SLC8A1: variants seen among roughly 807,000 people sequenced by gnomAD.
SLC8A1 encodes solute carrier family 8 member A1, also known as sodium/calcium exchanger 1.
Under a neutral mutation model 68.3 loss-of-function variants are expected in SLC8A1, and 18 were observed. That is an observed-to-expected ratio of 0.26 (90% CI 0.18 to 0.39). The LOEUF (loss-of-function observed/expected upper bound fraction) is 0.39. Ranked by LOEUF, SLC8A1 falls within the 10% of genes least tolerant of loss-of-function variation. The pLI is 1.00. For missense variants in SLC8A1, 985 were observed against 1,156.7 expected (o/e 0.85, Z 2.15); for synonymous variants, 475 against 415.5 (o/e 1.14, Z -1.74).
At chr2:40,101,029 T>A (rs1329716947) in exon 8 of SLC8A1, 1 of 152,124 alleles carries the variant, frequency 6.6e-6, no homozygotes, top group Non-Finnish European at 1.5e-5. Flanking sequence ...TCCACAAATG[T>A]GATATTTTCA....
chr2:40,233,803 CT>C (rs2059999250), intron 2 of SLC8A1, among the ~76,000 whole-genome samples: 1 of 151,836 alleles, frequency 6.6e-6, no homozygotes, highest in South Asian at 2.1e-4. Flanking sequence ...CCAGTTTCAG[CT>C]TTCTACATAT....
intron 1 of SLC8A1, among the ~76,000 whole-genome samples, chr2:40,497,217 G>T (rs1266179362): frequency 6.6e-6 from 1 of 151,956 alleles, no homozygotes; most frequent in Non-Finnish European, 1.5e-5. Context: ...AAATACAAAA[G>T]AAAAAATTAA....
At chr2:40,271,798 CACGGATTG>C (rs2066066005) in intron 2 of SLC8A1, among the ~76,000 whole-genome samples, 1 of 152,156 alleles carries the variant, frequency 6.6e-6, no homozygotes, top group Admixed American at 6.5e-5. Flanking sequence ...CCCAGTGTCC[CACGGATTG>C]ACTCATTTTC....
chr2:40,417,463 G>C (rs973925208), intron 2 of SLC8A1, among the ~76,000 whole-genome samples: 13 of 152,020 alleles, frequency 8.6e-5, no homozygotes, highest in Admixed American at 6.6e-5. Context: ...GCAAGTGTTA[G>C]GATTAGTTTT....
intron 2 of SLC8A1, among the ~76,000 whole-genome samples, chr2:40,362,057 G>A (rs1361852183): frequency 6.6e-6 from 1 of 151,458 alleles, no homozygotes; most frequent in East Asian, 1.9e-4. Context: ...ACCATGCCCT[G>A]CTAATCTCTG....
At chr2:40,177,963 C>A (rs1016952725) in intron 2 of SLC8A1, 4 of 741,522 alleles carry the variant, frequency 5.4e-6, no homozygotes, top group Non-Finnish European at 7.1e-6. Flanking sequence ...GGAGAACTGG[C>A]AGCACATGGG....
Position 40,164,989 on chromosome 2 carries a change from G to C in SLC8A1, c.1931-5C>G, listed in dbSNP as rs1201072712. The stretch of plus-strand genomic sequence containing the variant: ...GCTGCTTGTCATCATATTCGTCTGT[G>C]AAACGGAAGTATCAGAGAGTGAGCA... On this transcript the variant is annotated splice_region_variant and splice_polypyrimidine_tract_variant and intron_variant, in intron 4 of 7. Coordinates refer to ENST00000406785, the Ensembl canonical transcript of SLC8A1. 2.5e-6 allele frequency: 4 copies of C among 1,613,548 alleles called. No individual in the cohort carries two copies. The highest frequency in any genetic ancestry group is 3.4e-6 in the Non-Finnish European group (4 of 1,179,808).
At chr2:40,188,149 G>C (rs1284169040) in intron 2 of SLC8A1, among the ~76,000 whole-genome samples, 3 of 152,118 alleles carry the variant, frequency 2.0e-5, no homozygotes, top group Non-Finnish European at 4.4e-5. Context: ...TTCTATGAGA[G>C]GGTCACATTT....
chr2:40,391,575 T>C (rs1244999460), intron 2 of SLC8A1, among the ~76,000 whole-genome samples: 1 of 152,052 alleles, frequency 6.6e-6, no homozygotes, highest in East Asian at 1.9e-4. Flanking sequence ...TAAAAATTTA[T>C]AAGAGCATTA....
chr2:40,164,795 T>C, intron 5 of SLC8A1, 59 bp downstream of exon 8: 1 of 1,600,590 alleles, frequency 6.2e-7, no homozygotes, highest in Non-Finnish European at 8.5e-7. Flanking sequence ...GCCAACCCTA[T>C]GAACAGTTTC....
intron 1 of SLC8A1, among the ~76,000 whole-genome samples, chr2:40,461,019 T>C (rs1703309801): frequency 6.6e-6 from 1 of 152,162 alleles, no homozygotes; most frequent in Admixed American, 6.6e-5. Context: ...AAACAACTAC[T>C]GAGGGCGAAA....
chr2:40,162,277 A>G (rs1463686458), intron 5 of SLC8A1, among the ~76,000 whole-genome samples: 1 of 152,152 alleles, frequency 6.6e-6, no homozygotes, highest in African/African-American at 2.4e-5. Context: ...ACTCAGCCAC[A>G]TCTCATCAAG....
chr2:40,293,375 G>T (rs995624210), intron 2 of SLC8A1, among the ~76,000 whole-genome samples: 1 of 152,110 alleles, frequency 6.6e-6, no homozygotes, highest in Admixed American at 6.6e-5. Context: ...GCAAAAAATT[G>T]ACAGCCATAA....
intron 1 of SLC8A1, among the ~76,000 whole-genome samples, chr2:40,508,902 C>T (rs1706529488): frequency 6.6e-6 from 1 of 152,070 alleles, no homozygotes; most frequent in South Asian, 2.1e-4. Context: ...TGTCTGGACC[C>T]CACTAACATT....
At chr2:40,487,711 A>T (rs1187510476) in intron 1 of SLC8A1, among the ~76,000 whole-genome samples, 3 of 152,106 alleles carry the variant, frequency 2.0e-5, no homozygotes, top group African/African-American at 7.2e-5. Context: ...GTTCACTGTG[A>T]CTCCAAGAGA....
chr2:40,477,082 C>T (rs776751937), intron 1 of SLC8A1, among the ~76,000 whole-genome samples: 36 of 152,190 alleles, frequency 2.4e-4, no homozygotes, highest in Non-Finnish European at 4.6e-4. Context: ...ATACTGTCCA[C>T]GACAATGTCA....
At chr2:40,220,204 A>C (rs1236295379) in intron 2 of SLC8A1, 1 of 152,042 alleles carries the variant, frequency 6.6e-6, no homozygotes, top group East Asian at 1.9e-4. Flanking sequence ...GAAAAGGAGA[A>C]AGACAAGAGA....
At chr2:40,345,453 T>C (rs1161678311) in intron 2 of SLC8A1, among the ~76,000 whole-genome samples, 4 of 152,128 alleles carry the variant, frequency 2.6e-5, no homozygotes, top group African/African-American at 4.8e-5. Flanking sequence ...CTCAAGAAGA[T>C]TGTCAGAACA....
At chr2:40,344,186 A>T (rs1668533548) in intron 2 of SLC8A1, among the ~76,000 whole-genome samples, 3 of 152,166 alleles carry the variant, frequency 2.0e-5, no homozygotes, top group Admixed American at 1.3e-4. Context: ...ATTCCACTAG[A>T]ACTATTTAAA....
Sources: gnomAD v4.1 joint callset for allele counts (sites outside exome capture counted in the v4.1 genomes callset) on GRCh38, gnomAD v4.1.1 for gene constraint, MANE v1.5 for transcripts, NCBI Gene and HGNC (gene_info 2026-07-23, HGNC 2026-07-21) for gene names.